Variants in DNER observed in about 807,000 individuals in gnomAD.
The protein encoded by DNER is delta and Notch-like epidermal growth factor-related receptor.
In DNER, 33 loss-of-function variants were observed where a neutral mutation model predicts 78.2. The observed-to-expected ratio is 0.42, with a 90% confidence interval of 0.32 to 0.56. The LOEUF is 0.56. DNER is among the 20% of genes least tolerant of loss of function. The pLI is 0.11. For missense variants in DNER, 918 were observed against 975.3 expected (o/e 0.94, Z 0.78); for synonymous variants, 417 against 384.8 (o/e 1.08, Z -0.98).
intron 6 of DNER, among the ~76,000 whole-genome samples, chr2:229,489,705 C>T (rs192469431): frequency 2.3e-4 from 35 of 151,374 alleles, no homozygotes; most frequent in Non-Finnish European, 3.1e-4. Flanking sequence ...AGGAGAGCAG[C>T]TGAAGAGGGA....
At chr2:229,647,737 T>A (rs1698743774) in intron 1 of DNER, among the ~76,000 whole-genome samples, 1 of 152,244 alleles carries the variant, frequency 6.6e-6, no homozygotes, top group South Asian at 2.1e-4. Flanking sequence ...AGTCAATGAT[T>A]GAAAAGCAAT....
At chr2:229,697,360 G>A (rs559212292) in intron 1 of DNER, among the ~76,000 whole-genome samples, 1 of 152,340 alleles carries the variant, frequency 6.6e-6, no homozygotes, top group East Asian at 1.9e-4. Flanking sequence ...GAGGAAAGGG[G>A]AGCAACTGCT....
At chr2:229,633,479 T>A (rs1156246066) in intron 1 of DNER, among the ~76,000 whole-genome samples, 2 of 152,194 alleles carry the variant, frequency 1.3e-5, no homozygotes, top group Non-Finnish European at 2.9e-5. Context: ...AAATAAAAAA[T>A]ACATTGTGGG....
intron 1 of DNER, among the ~76,000 whole-genome samples, chr2:229,592,208 T>A (rs1445826571): frequency 1.3e-5 from 2 of 152,184 alleles, no homozygotes; most frequent in Admixed American, 1.3e-4. Context: ...TAGTTAAAAC[T>A]CATTAGGAAG....
chr2:229,374,421 A>G (rs11677239), intron 11 of DNER, among the ~76,000 whole-genome samples: 8,915 of 152,302 alleles, frequency 0.059, 304 homozygotes, highest in Middle Eastern at 0.085. Flanking sequence ...ATGAATTGGA[A>G]GTACCTTTAA....
chr2:229,382,943 C>A (rs1692777346), intron 11 of DNER, among the ~76,000 whole-genome samples: 1 of 152,032 alleles, frequency 6.6e-6, no homozygotes, highest in Admixed American at 6.5e-5. Context: ...AGAAGAGCAA[C>A]CCCAAGACAC....
intron 1 of DNER, among the ~76,000 whole-genome samples, chr2:229,608,539 C>A (rs1421354004): frequency 6.6e-6 from 1 of 152,170 alleles, no homozygotes; most frequent in Non-Finnish European, 1.5e-5. Context: ...TGAACTAGAG[C>A]TATATCTGAA....
At chr2:229,518,616 T>C (rs928254104) in intron 5 of DNER, among the ~76,000 whole-genome samples, 1 of 152,344 alleles carries the variant, frequency 6.6e-6, no homozygotes, top group East Asian at 1.9e-4. Flanking sequence ...TCAAGCTTTT[T>C]ACACCTAAAT....
At chr2:229,484,261 A>T (rs1695225110) in intron 6 of DNER, among the ~76,000 whole-genome samples, 1 of 152,210 alleles carries the variant, frequency 6.6e-6, no homozygotes, top group Admixed American at 6.5e-5. Context: ...CATTAAAATA[A>T]ATGCAGAGCT....
intron 9 of DNER, among the ~76,000 whole-genome samples, chr2:229,414,332 T>A (rs1232466574): frequency 3.3e-5 from 5 of 152,156 alleles, no homozygotes; most frequent in Admixed American, 6.5e-5. Flanking sequence ...AGTGGTGTGA[T>A]CTCAGCTCAC....
chr2:229,516,672 C>T (rs1203798396), intron 5 of DNER, among the ~76,000 whole-genome samples: 1 of 151,310 alleles, frequency 6.6e-6, no homozygotes, highest in Non-Finnish European at 1.5e-5. Flanking sequence ...GTAGTGCCAG[C>T]TATTGGGGAA....
At chr2:229,627,481 G>A (rs115960802) in intron 1 of DNER, among the ~76,000 whole-genome samples, 3,159 of 152,236 alleles carry the variant, frequency 0.021, 43 homozygotes, top group Middle Eastern at 0.034. Context: ...CTGGTTTAGT[G>A]CCAGCTCCAG....
intron 6 of DNER, among the ~76,000 whole-genome samples, chr2:229,499,931 C>CTTTCTTTTTTTTTTTT (rs1286404166): frequency 2.2e-5 from 3 of 134,804 alleles, no homozygotes; most frequent in Non-Finnish European, 3.3e-5. Flanking sequence ...GACTTTCTTT[C>CTTTCTTTTTTTTTTTT]TTTTTTTTTT....
intron 10 of DNER, among the ~76,000 whole-genome samples, chr2:229,406,822 CTT>C (rs3085433): frequency 0.48 from 73,011 of 151,702 alleles, 17,797 homozygotes; most frequent in African/African-American, 0.54. Flanking sequence ...TCCCTTGACA[CTT>C]TTATATCTTG....
At chr2:229,695,628 C>G (rs776568150) in intron 1 of DNER, among the ~76,000 whole-genome samples, 2 of 152,190 alleles carry the variant, frequency 1.3e-5, no homozygotes, top group African/African-American at 2.4e-5. Context: ...CTCTAAACAT[C>G]TATAAAATGC....
rs112685526 is a variant in DNER, at chr2:229,411,556, CA to C, written c.1610-4212del. On this transcript the variant is annotated intron_variant, in intron 9 of 12. Coordinates refer to ENST00000341772, the MANE Select transcript of DNER (RefSeq NM_139072.4). ...TGGGTGACAGAGCAAGACTCTGTTTCAAAAAAAAAAGTAGGTACAATGTACA... is the reference window on the plus strand; with the variant it reads ...TGGGTGACAGAGCAAGACTCTGTTTCAAAAAAAAAGTAGGTACAATGTACA... 7.1e-3 allele frequency among the ~76,000 whole-genome samples: 1,026 copies of C among 144,674 alleles called. 11 individuals carry two copies. The highest frequency in any genetic ancestry group is 0.025 in the African/African-American group (977 of 39,404). 94.9% of individuals were successfully genotyped at this position (144,674 alleles called of 152,430 possible).
intron 1 of DNER, among the ~76,000 whole-genome samples, chr2:229,619,541 C>G (rs909502004): frequency 5.9e-5 from 9 of 152,140 alleles, no homozygotes; most frequent in African/African-American, 1.2e-4. Flanking sequence ...CGGCAATGTC[C>G]TAGGGCTTCT....
In DNER at chr2:229,591,639, G is replaced by A; in HGVS notation, c.526C>T (p.Pro176Ser). 6.2e-7 allele frequency: 1 copy of A among 1,614,186 alleles called. No homozygotes were observed. The highest frequency in any genetic ancestry group is 8.5e-7 in the Non-Finnish European group (1 of 1,180,030). The change falls in exon 2 of 13, where the codon CCT becomes TCT. Residue 176 changes from proline (P) to serine (S), a missense_variant. Pro to Ser is a moderately conservative substitution (Grantham distance 74). Coordinates refer to ENST00000341772, the MANE Select transcript of DNER (RefSeq NM_139072.4). The surrounding 1 kb of genome is among the most constrained non-coding windows in gnomAD (Gnocchi z 4.6). ...TGCCCTGTTTTCGGCTGCCAGGTAG[G>A]CAGTGTCACCGTTGCCTGAGAGCGA... ...LPRSQATVTL[P>S]TWQPKTGQKV...
intron 8 of DNER, among the ~76,000 whole-genome samples, chr2:229,426,625 T>TGTGGGTGC (rs1693884806): frequency 6.6e-6 from 1 of 152,058 alleles, no homozygotes; most frequent in African/African-American, 2.4e-5. Flanking sequence ...AGGGAATCTG[T>TGTGGGTGC]GTGGGTGCGT....
Sources: gnomAD v4.1 joint callset for allele counts (sites outside exome capture counted in the v4.1 genomes callset) on GRCh38, gnomAD v4.1.1 for gene constraint, Gnocchi (gnomAD v3.1) non-coding constraint, MANE v1.5 for transcripts, NCBI Gene and HGNC (gene_info 2026-07-23, HGNC 2026-07-21) for gene names.